Variants in SDK1 observed in about 807,000 individuals in gnomAD.
SDK1 encodes protein sidekick-1.
A neutral mutation model predicts 245.5 loss-of-function variants in SDK1; 157 were observed. The observed-to-expected ratio is 0.64, with a 90% CI of 0.56 to 0.73. The LOEUF (loss-of-function observed/expected upper bound fraction) is 0.73, where lower values mean the gene tolerates loss of function less well. Ranked by LOEUF, SDK1 falls within the 30% of genes least tolerant of loss-of-function variation. The probability of loss-of-function intolerance (pLI) is 0.00; values close to 1 mark genes in which losing one functional copy is unlikely to be tolerated. For missense variants in SDK1, 3,583 were observed against 3,002.3 expected (o/e 1.19, Z -4.52); for synonymous variants, 1,647 against 1,278.5 (o/e 1.29, Z -6.15).
At chr7:4,190,759 C>T (rs1252476999) in intron 35 of SDK1, among the ~76,000 whole-genome samples, 1 of 152,254 alleles carries the variant, frequency 6.6e-6, no homozygotes, top group East Asian at 1.9e-4. Flanking sequence ...CATACGCTAT[C>T]CCGGGACAGC....
intron 1 of SDK1, chr7:3,338,631 CA>C (rs5881978): frequency 0.44 from 82,205 of 185,358 alleles, 18,189 homozygotes; most frequent in East Asian, 0.5. Flanking sequence ...AACAAACAAA[CA>C]AAAAAAAACA....
intron 44 of SDK1, among the ~76,000 whole-genome samples, chr7:4,264,459 CCT>C (rs67437810): frequency 2.1e-3 from 237 of 112,934 alleles, no homozygotes; most frequent in Middle Eastern, 5.8e-3. Flanking sequence ...GTGGACCTCT[CCT>C]GAGTGAGGGA....
chr7:3,723,369 G>A (rs1778877357), intron 4 of SDK1, among the ~76,000 whole-genome samples: 1 of 152,056 alleles, frequency 6.6e-6, no homozygotes, highest in Admixed American at 6.5e-5. Flanking sequence ...TGAAAAATAC[G>A]GTATTTGTTG....
intron 2 of SDK1, among the ~76,000 whole-genome samples, chr7:3,632,465 TA>T (rs1782325339): frequency 1.3e-5 from 2 of 152,312 alleles, no homozygotes; most frequent in South Asian, 4.1e-4. Context: ...AATAAAAAGT[TA>T]TCGAAGATTA....
At chr7:3,851,527 A>G (rs967371074) in intron 5 of SDK1, among the ~76,000 whole-genome samples, 1 of 152,216 alleles carries the variant, frequency 6.6e-6, no homozygotes, top group African/African-American at 2.4e-5. Flanking sequence ...TTTTGAAAAT[A>G]CCAGTCTCAA....
intron 35 of SDK1, among the ~76,000 whole-genome samples, chr7:4,190,229 T>A (rs1385718000): frequency 1.3e-5 from 2 of 152,204 alleles, no homozygotes; most frequent in Admixed American, 6.5e-5. Context: ...TATTAACATA[T>A]CACGCGATAA....
chr7:3,401,053 C>T (rs879259173), intron 1 of SDK1, among the ~76,000 whole-genome samples: 23 of 152,258 alleles, frequency 1.5e-4, no homozygotes, highest in African/African-American at 3.4e-4. Context: ...GTCCCTGCTG[C>T]CATCCGCAGC....
chr7:3,908,807 G>C (rs924876607), intron 5 of SDK1, among the ~76,000 whole-genome samples: 4 of 151,950 alleles, frequency 2.6e-5, no homozygotes, highest in Non-Finnish European at 4.4e-5. Context: ...CATTTTTGGG[G>C]GGACTTAGGA....
intron 5 of SDK1, among the ~76,000 whole-genome samples, chr7:3,926,854 A>G (rs111913513): frequency 0.057 from 8,658 of 152,256 alleles, 799 homozygotes; most frequent in African/African-American, 0.19. Flanking sequence ...CAGGCTTCTT[A>G]CCTGTAAAAC....
At chr7:3,885,041 G>A (rs1291490263) in intron 5 of SDK1, among the ~76,000 whole-genome samples, 1 of 142,198 alleles carries the variant, frequency 7.0e-6, no homozygotes, top group Non-Finnish European at 1.6e-5. Flanking sequence ...CCCCCACCCC[G>A]CCCCATCTCT....
rs148283352 is a variant in SDK1, at chr7:3,497,439, G to A, written c.299-121641G>A. 4.6e-3 allele frequency among the ~76,000 whole-genome samples: 695 copies of A among 152,260 alleles called. 8 individuals are homozygous for A. Among genetic ancestry groups the A allele is most frequent in the African/African-American group, 0.015 (640 of 41,548 alleles). The stretch of plus-strand genomic sequence containing the variant: ...AGCTGTCTGCTGCAGACATCATTGC[G>A]TCTTTATTATGAAAGTGCTATGTGT... On this transcript the variant is annotated intron_variant, in intron 1 of 44. Coordinates refer to ENST00000404826, the MANE Select transcript of SDK1 (RefSeq NM_152744.4).
chr7:4,025,012 G>T (rs897806636), intron 17 of SDK1, among the ~76,000 whole-genome samples: 1 of 108,250 alleles, frequency 9.2e-6, no homozygotes, highest in African/African-American at 4.9e-5. Flanking sequence ...ACTCTATTTT[G>T]CATTCACACA....
chr7:3,821,160 A>G (rs538116234), intron 4 of SDK1, among the ~76,000 whole-genome samples: 2 of 152,092 alleles, frequency 1.3e-5, no homozygotes, highest in South Asian at 4.2e-4. Context: ...GTTTTAATGA[A>G]CTCTGGATGT....
chr7:3,908,212 C>T (rs1035097605), intron 5 of SDK1, among the ~76,000 whole-genome samples: 9 of 152,202 alleles, frequency 5.9e-5, no homozygotes, highest in African/African-American at 1.7e-4. Context: ...CCCGGATGAG[C>T]GCCTTGTGTC....
At chr7:3,474,764 C>T (rs915150920) in intron 1 of SDK1, among the ~76,000 whole-genome samples, 2 of 152,196 alleles carry the variant, frequency 1.3e-5, no homozygotes, top group African/African-American at 4.8e-5. Flanking sequence ...GATCATAGCT[C>T]ACTGCAGGCT....
At chr7:3,732,533 A>G (rs1779209837) in intron 4 of SDK1, among the ~76,000 whole-genome samples, 1 of 152,050 alleles carries the variant, frequency 6.6e-6, no homozygotes, top group African/African-American at 2.4e-5. Flanking sequence ...TCTTTCACAT[A>G]TTTCCTTTTT....
At position 4,265,844 on chromosome 7, in the gene SDK1, A is replaced by G. The variant is rs1788434630; in HGVS notation, c.*460A>G. 1.0e-6 allele frequency: 1 copy of G among 991,544 alleles called. No individual in the cohort carries two copies. The highest frequency in any genetic ancestry group is 1.2e-6 in the Non-Finnish European group (1 of 834,564). 61.4% of individuals were successfully genotyped at this position (991,544 alleles called of 1,614,324 possible). A position where few individuals can be genotyped will look rare whatever the true frequency, so the allele number is the denominator to read the frequency against. On this transcript the variant is annotated 3_prime_UTR_variant, in exon 45 of 45. Transcript: ENST00000404826. ...CAGCGGCTCACACCCTTCTCAACGC[A>G]GGACATCCTCGGCGGCTCCTGGGGT... is the stretch of plus-strand genomic sequence containing the variant.
intron 13 of SDK1, among the ~76,000 whole-genome samples, chr7:3,982,611 T>G (rs1429638424): frequency 6.6e-6 from 1 of 151,342 alleles, no homozygotes; most frequent in African/African-American, 2.4e-5. Context: ...GAGGCTGAGG[T>G]GGGTGGATCA....
chr7:3,703,896 A>G (rs1784811099), intron 4 of SDK1, among the ~76,000 whole-genome samples: 1 of 151,958 alleles, frequency 6.6e-6, no homozygotes, highest in African/African-American at 2.4e-5. Flanking sequence ...TGCACATTTT[A>G]CTTTTGTTTT....
Sources: gnomAD v4.1 joint callset for allele counts (sites outside exome capture counted in the v4.1 genomes callset) on GRCh38, gnomAD v4.1.1 for gene constraint, MANE v1.5 for transcripts, NCBI Gene and HGNC (gene_info 2026-07-23, HGNC 2026-07-21) for gene names.